Variants in EPHA5 observed in about 807,000 individuals in gnomAD.
EPHA5 encodes the protein EPH receptor A5.
EPHA5 carries 60 observed loss-of-function variants against 105.0 expected under a neutral mutation model. The ratio of observed to expected loss-of-function variants is 0.57; its 90% CI spans 0.46 to 0.71. EPHA5 has a LOEUF of 0.71. Among genes scored for constraint, EPHA5 ranks in the 30% least tolerant of loss-of-function variants. The pLI is 0.00. For missense variants in EPHA5, 1,218 were observed against 1,274.7 expected (o/e 0.96, Z 0.68); for synonymous variants, 513 against 449.1 (o/e 1.14, Z -1.80).
intron 3 of EPHA5, among the ~76,000 whole-genome samples, chr4:65,546,328 A>C (rs144315871): frequency 1.1e-3 from 165 of 152,056 alleles, no homozygotes; most frequent in African/African-American, 3.3e-3. Flanking sequence ...TCTTCTCAGT[A>C]ACATTTTCTT....
chr4:65,415,115 C>G (rs1723267904), intron 6 of EPHA5, among the ~76,000 whole-genome samples: 1 of 152,028 alleles, frequency 6.6e-6, no homozygotes, highest in South Asian at 2.1e-4. Context: ...GGAACTGAAA[C>G]AAAGAGGAAC....
At chr4:65,659,901 AC>A (rs1749411882) in intron 1 of EPHA5, among the ~76,000 whole-genome samples, 1 of 152,126 alleles carries the variant, frequency 6.6e-6, no homozygotes, top group African/African-American at 2.4e-5. Flanking sequence ...AAATAATAGA[AC>A]AGATGAGACA....
intron 8 of EPHA5, among the ~76,000 whole-genome samples, chr4:65,394,819 C>T (rs1721059049): frequency 6.6e-6 from 1 of 151,892 alleles, no homozygotes; most frequent in Non-Finnish European, 1.5e-5. Context: ...GTAGGAAATG[C>T]TATGTAATTA....
chr4:65,378,438 T>C (rs931319316), intron 8 of EPHA5, among the ~76,000 whole-genome samples: 2 of 151,986 alleles, frequency 1.3e-5, no homozygotes, highest in African/African-American at 4.8e-5. Flanking sequence ...GTAACACCTG[T>C]TGCATTAATG....
At chr4:65,522,012 A>T (rs929225993) in intron 3 of EPHA5, among the ~76,000 whole-genome samples, 12 of 151,952 alleles carry the variant, frequency 7.9e-5, no homozygotes, top group Admixed American at 4.0e-4. Context: ...TAGTCTATCT[A>T]AAAATTCTTT....
At chr4:65,353,182 T>G (rs569421611) in intron 11 of EPHA5, 79 bp from the exon 12 acceptor site, 1 of 518,336 alleles carries the variant, frequency 1.9e-6, no homozygotes, top group African/African-American at 2.1e-5. Flanking sequence ...CCAGAAGTTT[T>G]TATTAGTGTC....
intron 14 of EPHA5, among the ~76,000 whole-genome samples, chr4:65,343,426 T>C (rs894665862): frequency 2.6e-5 from 4 of 152,166 alleles, no homozygotes; most frequent in African/African-American, 9.6e-5. Flanking sequence ...AGATCTCCTC[T>C]GTGAGATTTA....
intron 2 of EPHA5, among the ~76,000 whole-genome samples, chr4:65,606,533 A>G (rs911905022): frequency 6.6e-6 from 1 of 152,194 alleles, no homozygotes; most frequent in Non-Finnish European, 1.5e-5. Flanking sequence ...AATTAAAAAC[A>G]CTAAGTATTT....
intron 5 of EPHA5, among the ~76,000 whole-genome samples, chr4:65,424,186 A>G (rs1724202600): frequency 6.6e-6 from 1 of 152,068 alleles, no homozygotes; most frequent in African/African-American, 2.4e-5. Context: ...TAATGATATA[A>G]TGTAGAAACC....
chr4:65,321,541 A>G lies in EPHA5; in HGVS notation c.*2573T>C, dbSNP rs1577797225. On this transcript the variant is annotated 3_prime_UTR_variant, in exon 17 of 17. Coordinates refer to ENST00000613740, the MANE Select transcript of EPHA5 (RefSeq NM_001281766.3). ...CAGTCTCTTTATTCATTCTAAAGTC[A>G]TATTAACCTTCCTTAGAAATTCTCA... The G allele has an allele frequency of 4.4e-6, 1 of 229,048 alleles. No individual in the cohort carries two copies. The highest frequency in any genetic ancestry group is 6.2e-5 in the East Asian group (1 of 16,176). 14.2% of individuals were successfully genotyped at this position (229,048 alleles called of 1,614,324 possible).
At chr4:65,592,539 A>T (rs961786379) in intron 3 of EPHA5, among the ~76,000 whole-genome samples, 16 of 152,086 alleles carry the variant, frequency 1.1e-4, no homozygotes, top group Non-Finnish European at 2.1e-4. Context: ...AAAAGAAAAG[A>T]AAAGAAAAAA....
rs563935201 is a variant in EPHA5 at position 65,343,434 on chromosome 4, T to G, written c.2595+4620A>C. On this transcript the variant is annotated intron_variant, in intron 14 of 16. Transcript: ENST00000613740. ...CAGAGGAAGATCTCCTCTGTGAGAT[T>G]TAGATTATCCTGCATGCCTTGGTAA... Among the ~76,000 whole-genome samples the G allele has an allele frequency of 2.6e-5, 4 of 152,224 alleles. No homozygotes were observed. In the South Asian group the frequency reaches 8.3e-4, roughly 32 times the overall value.
At chr4:65,396,511 T>C (rs1721255476) in intron 8 of EPHA5, among the ~76,000 whole-genome samples, 1 of 152,160 alleles carries the variant, frequency 6.6e-6, no homozygotes, top group Non-Finnish European at 1.5e-5. Flanking sequence ...GAGAAGGGGA[T>C]GAGCCTTATC....
At chr4:65,455,238 G>GTAAAA (rs1168394455) in intron 5 of EPHA5, among the ~76,000 whole-genome samples, 5 of 151,496 alleles carry the variant, frequency 3.3e-5, no homozygotes, top group African/African-American at 7.3e-5. Context: ...GTCTCAAAAA[G>GTAAAA]TAAAATAAAA....
At chr4:65,664,127 A>G (rs1560838985) in intron 1 of EPHA5, among the ~76,000 whole-genome samples, 1 of 151,954 alleles carries the variant, frequency 6.6e-6, no homozygotes, top group Non-Finnish European at 1.5e-5. Context: ...TAAATATTAA[A>G]TAGAGAAAAA....
chr4:65,501,084 GA>G lies in EPHA5; in HGVS notation c.911-5542del, dbSNP rs113953433. Among the ~76,000 whole-genome samples, 12 of 151,466 alleles carry G rather than the reference GA, an allele frequency of 7.9e-5. 1 individual carries two copies. The highest frequency in any genetic ancestry group is 2.9e-4 in the African/African-American group (12 of 41,506). ...TACATTTTTCAAAATAAGGTACTCA[GA>G]AGATAGTTTAGTGTGGGTTTAAAAT... is the stretch of plus-strand genomic sequence containing the variant. On this transcript the variant is annotated intron_variant, in intron 3 of 16. Transcript: ENST00000613740.
At position 65,490,662 on chromosome 4, in the gene EPHA5, C is replaced by T. The variant is rs1481815437; in HGVS notation, c.1117G>A (p.Val373Ile). 3 of 1,614,090 alleles carry T rather than the reference C, an allele frequency of 1.9e-6. No homozygotes were observed. In the South Asian group the frequency reaches 3.3e-5, roughly 18 times the overall value. ...GCAGGCGGAATCCATTCCAGAAAGACACTAGTTTCATTAACATTTGAGATG... is the reference window on the plus strand; with the variant it reads ...GCAGGCGGAATCCATTCCAGAAAGATACTAGTTTCATTAACATTTGAGATG... Reference protein sequence around the residue: ...NAISNVNETSVFLEWIPPADT... With the variant: ...NAISNVNETSIFLEWIPPADT... Residue 373 changes from valine (V) to isoleucine (I), a missense_variant, in exon 5 of 17, where the codon GTC becomes ATC. Coordinates refer to ENST00000613740, the MANE Select transcript of EPHA5 (RefSeq NM_001281766.3).
At chr4:65,606,337 A>G (rs982837613) in intron 2 of EPHA5, among the ~76,000 whole-genome samples, 2 of 152,180 alleles carry the variant, frequency 1.3e-5, no homozygotes, top group Non-Finnish European at 2.9e-5. Flanking sequence ...ACATATACAT[A>G]TAACTTCTTA....
intron 5 of EPHA5, among the ~76,000 whole-genome samples, chr4:65,423,730 C>G (rs1724153996): frequency 6.7e-6 from 1 of 150,300 alleles, no homozygotes; most frequent in South Asian, 2.1e-4. Flanking sequence ...ATGCTCTAGG[C>G]TCATCTTGCT....
Sources: gnomAD v4.1 joint callset for allele counts (sites outside exome capture counted in the v4.1 genomes callset) on GRCh38, gnomAD v4.1.1 for gene constraint, MANE v1.5 for transcripts, NCBI Gene and HGNC (gene_info 2026-07-23, HGNC 2026-07-21) for gene names.